Variants in NTF3 observed in about 807,000 individuals in gnomAD.
NTF3 encodes neurotrophin 3, also known as neurotrophin-3.
In NTF3, 8 loss-of-function variants were observed where a neutral mutation model predicts 26.3. That is an observed-to-expected ratio of 0.30 (90% CI 0.18 to 0.55). The LOEUF is 0.55. Among genes scored for constraint, NTF3 ranks in the 20% least tolerant of loss-of-function variants. The pLI is 0.93. For missense variants in NTF3, 276 were observed against 352.9 expected (o/e 0.78, Z 1.75); for synonymous variants, 154 against 145.5 (o/e 1.06, Z -0.42).
At position 5,482,803 on chromosome 12, in the gene NTF3, C is replaced by T. The variant is rs545206111; in HGVS notation, c.19-11391C>T. Among the ~76,000 whole-genome samples, 4 of 151,618 alleles carry T rather than the reference C, an allele frequency of 2.6e-5. No individual in the cohort carries two copies. In the South Asian group the frequency reaches 6.3e-4, roughly 24 times the overall value. On this transcript the variant is annotated intron_variant, in intron 1 of 1. Coordinates refer to ENST00000423158, the MANE Select transcript of NTF3 (RefSeq NM_001102654.2). ...TCCCTCTCTCTGTTTCTCTCTGTAT[C>T]GCTCTTTTTTTTCAATCTCTGTCTC...
At chr12:5,460,175 C>G (rs1278922659) in intron 1 of NTF3, among the ~76,000 whole-genome samples, 1 of 152,186 alleles carries the variant, frequency 6.6e-6, no homozygotes, top group Non-Finnish European at 1.5e-5. Flanking sequence ...AGTTAATAAG[C>G]AAATATTAGC....
At chr12:5,449,244 G>GAGGC (rs1205820621) in intron 1 of NTF3, among the ~76,000 whole-genome samples, 1 of 152,186 alleles carries the variant, frequency 6.6e-6, no homozygotes, top group Non-Finnish European at 1.5e-5. Context: ...GCCTGAAAGG[G>GAGGC]AGGGAGTGTA....
intron 1 of NTF3, among the ~76,000 whole-genome samples, chr12:5,493,215 C>A (rs1234281570): frequency 6.6e-6 from 1 of 152,184 alleles, no homozygotes; most frequent in Non-Finnish European, 1.5e-5. Flanking sequence ...TGTAATTCCA[C>A]CAGGACGCCA....
chr12:5,472,586 A>G (rs1297299271), intron 1 of NTF3, among the ~76,000 whole-genome samples: 2 of 151,926 alleles, frequency 1.3e-5, no homozygotes, highest in Non-Finnish European at 2.9e-5. Flanking sequence ...AGCTTCTGTT[A>G]CTCCAGCCTG....
chr12:5,443,043 G>C (rs979282310), intron 1 of NTF3, among the ~76,000 whole-genome samples: 1 of 152,200 alleles, frequency 6.6e-6, no homozygotes, highest in Admixed American at 6.5e-5. Context: ...TAGGCTGGGG[G>C]ATTTGGGAAA....
intron 1 of NTF3, among the ~76,000 whole-genome samples, chr12:5,451,461 C>CCTT (rs1217015725): frequency 6.6e-6 from 1 of 152,156 alleles, no homozygotes; most frequent in Non-Finnish European, 1.5e-5. Context: ...CTTTGGGGAT[C>CCTT]CTTCCAGAAG....
At chr12:5,448,554 T>C (rs1464944244) in intron 1 of NTF3, among the ~76,000 whole-genome samples, 1 of 152,234 alleles carries the variant, frequency 6.6e-6, no homozygotes, top group Non-Finnish European at 1.5e-5. Context: ...CCCCTTCTTA[T>C]TGTCAAACCC....
At chr12:5,443,220 C>T (rs1038561609) in intron 1 of NTF3, among the ~76,000 whole-genome samples, 8 of 152,132 alleles carry the variant, frequency 5.3e-5, no homozygotes, top group African/African-American at 7.2e-5. Flanking sequence ...CCTTGGGTTC[C>T]GCATCCTCAA....
intron 1 of NTF3, among the ~76,000 whole-genome samples, chr12:5,464,315 C>T (rs1940561024): frequency 6.6e-6 from 1 of 152,164 alleles, no homozygotes; most frequent in South Asian, 2.1e-4. Flanking sequence ...AGACCTGATG[C>T]TTATCAGAGT....
At chr12:5,475,239 G>A (rs893092376) in intron 1 of NTF3, among the ~76,000 whole-genome samples, 4 of 152,162 alleles carry the variant, frequency 2.6e-5, no homozygotes, top group Admixed American at 1.3e-4. Context: ...ACCAAGAGAG[G>A]TGCCGTCTGG....
intron 1 of NTF3, among the ~76,000 whole-genome samples, chr12:5,460,705 G>GC (rs1296832727): frequency 1.3e-5 from 2 of 152,112 alleles, no homozygotes; most frequent in East Asian, 3.8e-4. Flanking sequence ...CAATAGCAGA[G>GC]CCCCCATCCC....
intron 1 of NTF3, among the ~76,000 whole-genome samples, chr12:5,441,968 G>T (rs888391082): frequency 6.6e-6 from 1 of 152,170 alleles, no homozygotes; most frequent in Non-Finnish European, 1.5e-5. Flanking sequence ...CATTGCATAC[G>T]CATTAGGATA....
intron 1 of NTF3, among the ~76,000 whole-genome samples, chr12:5,468,191 T>C (rs138717362): frequency 1.4e-3 from 213 of 152,332 alleles, no homozygotes; most frequent in Admixed American, 4.1e-3. Context: ...GGCTGTTTTA[T>C]ATATACACAC....
chr12:5,469,538 G>A (rs983129120), intron 1 of NTF3, among the ~76,000 whole-genome samples: 7 of 152,092 alleles, frequency 4.6e-5, no homozygotes, highest in Non-Finnish European at 8.8e-5. Context: ...CAGCCTAATG[G>A]GGAAAATTGC....
intron 1 of NTF3, among the ~76,000 whole-genome samples, chr12:5,440,098 G>A (rs1940218960): frequency 6.6e-6 from 1 of 152,128 alleles, no homozygotes; most frequent in African/African-American, 2.4e-5. Context: ...GTGACTAAAG[G>A]CTCATTCCTT....
intron 1 of NTF3, among the ~76,000 whole-genome samples, chr12:5,461,484 C>T (rs1232481083): frequency 1.3e-5 from 2 of 152,128 alleles, no homozygotes; most frequent in Non-Finnish European, 2.9e-5. Context: ...TCTGTGCTCT[C>T]CTCAGCTCTC....
At chr12:5,448,392 A>G (rs1400573130) in intron 1 of NTF3, among the ~76,000 whole-genome samples, 1 of 151,912 alleles carries the variant, frequency 6.6e-6, no homozygotes, top group Non-Finnish European at 1.5e-5. Context: ...GTGGTTGCTA[A>G]TTCTTATTGC....
At chr12:5,463,961 G>C (rs1352486054) in intron 1 of NTF3, among the ~76,000 whole-genome samples, 1 of 152,168 alleles carries the variant, frequency 6.6e-6, no homozygotes, top group Non-Finnish European at 1.5e-5. Context: ...TTTGAAATGG[G>C]AGTGGGAATA....
chr12:5,431,939 G>A (rs768620330), upstream of NTF3, among the ~76,000 whole-genome samples: 45 of 148,066 alleles, frequency 3.0e-4, no homozygotes, highest in Non-Finnish European at 2.4e-4. Context: ...CCCCTTCCCC[G>A]CCACGGGTCC....
Sources: gnomAD v4.1 joint callset for allele counts (sites outside exome capture counted in the v4.1 genomes callset) on GRCh38, gnomAD v4.1.1 for gene constraint, MANE v1.5 for transcripts, NCBI Gene and HGNC (gene_info 2026-07-23, HGNC 2026-07-21) for gene names.